The following DNAJC13 variants were observed in gnomAD, a reference collection of about 807,000 sequenced individuals.
DNAJC13 encodes the protein dnaJ homolog subfamily C member 13.
In DNAJC13, 75 loss-of-function variants were observed where a neutral mutation model predicts 290.5. The observed-to-expected ratio is 0.26, with a 90% CI of 0.21 to 0.31. The LOEUF (loss-of-function observed/expected upper bound fraction) is 0.31, where lower values mean the gene tolerates loss of function less well. Ranked by LOEUF, DNAJC13 falls within the 10% of genes least tolerant of loss-of-function variation. DNAJC13 has a pLI of 1.00. For synonymous variants in DNAJC13, 862 were observed against 892.0 expected (o/e 0.97, Z 0.60); for missense variants, 2,260 against 2,674.5 (o/e 0.85, Z 3.42).
chr3:132,512,597 A>T (rs1935810619), intron 44 of DNAJC13, among the ~76,000 whole-genome samples: 1 of 152,178 alleles, frequency 6.6e-6, no homozygotes, highest in East Asian at 1.9e-4. Flanking sequence ...GTTAAGTGGC[A>T]GAGTTCTAAC....
intron 31 of DNAJC13, among the ~76,000 whole-genome samples, chr3:132,490,251 A>C (rs963415797): frequency 4.6e-5 from 7 of 152,244 alleles, no homozygotes; most frequent in Admixed American, 3.3e-4. Context: ...AAATTTGCCT[A>C]GAAGGAAATA....
intron 2 of DNAJC13, among the ~76,000 whole-genome samples, chr3:132,442,291 C>T (rs1933099290): frequency 6.6e-6 from 1 of 151,842 alleles, no homozygotes; most frequent in African/African-American, 2.4e-5. Context: ...GCCACTGCAC[C>T]CGGCCACAAA....
chr3:132,469,735 A>AT, intron 20 of DNAJC13, among the ~76,000 whole-genome samples: 1 of 151,908 alleles, frequency 6.6e-6, no homozygotes, highest in East Asian at 1.9e-4. Context: ...TGTAGGAAAC[A>AT]TTTTCTTATA....
At chr3:132,469,815 T>G (rs1421780283) in intron 20 of DNAJC13, among the ~76,000 whole-genome samples, 2 of 151,750 alleles carry the variant, frequency 1.3e-5, no homozygotes, top group Admixed American at 6.6e-5. Flanking sequence ...TTCTATGTCG[T>G]CTAGTCTGGG....
chr3:132,471,031 C>G (rs1934220402), intron 20 of DNAJC13, among the ~76,000 whole-genome samples: 2 of 137,576 alleles, frequency 1.5e-5, no homozygotes, highest in African/African-American at 5.4e-5. Flanking sequence ...ACCCCCCCAC[C>G]TCCCTCCCGG....
chr3:132,473,442 A>G (rs1310097189), intron 21 of DNAJC13, among the ~76,000 whole-genome samples: 1 of 152,234 alleles, frequency 6.6e-6, no homozygotes, highest in East Asian at 1.9e-4. Flanking sequence ...CTAAAATTAC[A>G]TTAAAGACTT....
At chr3:132,479,107 C>A in intron 24 of DNAJC13, 120 bp from the exon 25 acceptor site, 1 of 562,802 alleles carries the variant, frequency 1.8e-6, no homozygotes, top group Non-Finnish European at 3.1e-6. Flanking sequence ...GATTTTTCTC[C>A]TTAATGTTTA....
At chr3:132,497,479 CAA>C (rs61089851) in intron 36 of DNAJC13, among the ~76,000 whole-genome samples, 7,701 of 152,154 alleles carry the variant, frequency 0.051, 378 homozygotes, top group African/African-American at 0.13. Context: ...TAACTAAAGA[CAA>C]GAGATGGTGT....
chr3:132,490,408 A>T (rs1935026447), intron 31 of DNAJC13, among the ~76,000 whole-genome samples: 1 of 152,218 alleles, frequency 6.6e-6, no homozygotes, highest in Admixed American at 6.5e-5. Context: ...GCAGTTAATT[A>T]TAATTACTTT....
intron 2 of DNAJC13, among the ~76,000 whole-genome samples, chr3:132,439,178 AC>A (rs970326019): frequency 1.8e-4 from 27 of 152,278 alleles, no homozygotes; most frequent in African/African-American, 5.8e-4. Flanking sequence ...CAGGATTTTC[AC>A]CTCAATGCAT....
chr3:132,477,729 T>G, intron 22 of DNAJC13, 60 bp from the exon 23 acceptor site: 1 of 1,242,954 alleles, frequency 8.0e-7, no homozygotes, highest in South Asian at 1.4e-5. Flanking sequence ...GAAACAATTA[T>G]TAGAAATTGC....
At chr3:132,529,567 CA>C (rs1259830799) in intron 54 of DNAJC13, among the ~76,000 whole-genome samples, 1 of 152,138 alleles carries the variant, frequency 6.6e-6, no homozygotes, top group Non-Finnish European at 1.5e-5. Context: ...GCGGGTGGAT[CA>C]CGAGGTCAGG....
chr3:132,445,361 T>C (rs570676342), intron 2 of DNAJC13, among the ~76,000 whole-genome samples: 1 of 152,294 alleles, frequency 6.6e-6, no homozygotes. Context: ...TCACGGTGTA[T>C]TACTATTTTA....
chr3:132,421,468 G>T (rs893065043), intron 1 of DNAJC13, among the ~76,000 whole-genome samples: 1 of 152,056 alleles, frequency 6.6e-6, no homozygotes, highest in Non-Finnish European at 1.5e-5. Context: ...GATTTTTTTT[G>T]TGTGTGTGAG....
At chr3:132,480,650 T>TG (rs980342883) in intron 26 of DNAJC13, among the ~76,000 whole-genome samples, 180 bp downstream of exon 26, 3 of 152,210 alleles carry the variant, frequency 2.0e-5, no homozygotes, top group Non-Finnish European at 4.4e-5. Context: ...CGATCCAAAA[T>TG]GGACAGTAAC....
intron 29 of DNAJC13, among the ~76,000 whole-genome samples, chr3:132,487,661 T>C (rs1280069559): frequency 6.6e-6 from 1 of 151,558 alleles, no homozygotes; most frequent in Non-Finnish European, 1.5e-5. Flanking sequence ...TTTATTAAGC[T>C]TCGTAGATAA....
chr3:132,424,723 A>G (rs573400375), intron 1 of DNAJC13, among the ~76,000 whole-genome samples: 17 of 152,230 alleles, frequency 1.1e-4, no homozygotes, highest in Middle Eastern at 6.8e-3. Context: ...TTATTCTTCA[A>G]CGACATCTAT....
Position 132,531,015 on chromosome 3 carries a change from C to T in DNAJC13, c.6543C>T (p.Cys2181=). The change falls in exon 55 of 56, where the codon TGC becomes TGT. Residue 2181 remains cysteine (C), a synonymous_variant. Coordinates refer to ENST00000260818, the MANE Select transcript of DNAJC13 (RefSeq NM_015268.4). ...TTTCCTAGGTGAATGAAATCCTGTG[C>T]CGTTCTTCAGTCTGGAGTGCCTTCA... ...QYGEQVNEIL[C]RSSVWSAFKD... The T allele has an allele frequency of 6.2e-7, 1 of 1,613,968 alleles. No individual in the cohort carries two copies. The highest frequency in any genetic ancestry group is 8.5e-7 in the Non-Finnish European group (1 of 1,179,866).
chr3:132,451,475 A>G (rs574641174), intron 6 of DNAJC13, among the ~76,000 whole-genome samples: 2 of 152,272 alleles, frequency 1.3e-5, no homozygotes, highest in Non-Finnish European at 2.9e-5. Context: ...ATTATGGGGT[A>G]TAACAGAAGC....
Sources: allele counts gnomAD v4.1 joint callset (sites outside exome capture counted in the v4.1 genomes callset), GRCh38; gene constraint gnomAD v4.1.1; transcripts MANE v1.5; gene names NCBI Gene and HGNC (gene_info 2026-07-23, HGNC 2026-07-21).